SIL1: variants seen among roughly 807,000 people sequenced by gnomAD.
SIL1 encodes SIL1 nucleotide exchange factor.
Under a neutral mutation model 49.1 loss-of-function variants are expected in SIL1, and 40 were observed. The observed-to-expected ratio is 0.81, with a 90% CI of 0.63 to 1.06. The LOEUF is 1.06. Among genes scored for constraint, SIL1 ranks in the 50% least tolerant of loss-of-function variants. The probability of loss-of-function intolerance (pLI) is 0.00; values close to 1 mark genes in which losing one functional copy is unlikely to be tolerated. For synonymous variants in SIL1, 253 were observed against 250.8 expected (o/e 1.01, Z -0.08); for missense variants, 500 against 572.6 (o/e 0.87, Z 1.29).
chr5:139,011,112 G>C (rs1405954005), intron 7 of SIL1, among the ~76,000 whole-genome samples: 1 of 151,264 alleles, frequency 6.6e-6, no homozygotes, highest in Non-Finnish European at 1.5e-5. Context: ...AGCAATCAGC[G>C]AGATTCCGTG....
intron 1 of SIL1, among the ~76,000 whole-genome samples, chr5:139,186,104 T>G (rs1752073246): frequency 6.6e-6 from 1 of 152,124 alleles, no homozygotes; most frequent in Non-Finnish European, 1.5e-5. Flanking sequence ...CAGGAACAAC[T>G]ATCAAACCTG....
At chr5:139,126,161 A>G (rs1196520453) in intron 2 of SIL1, among the ~76,000 whole-genome samples, 1 of 152,240 alleles carries the variant, frequency 6.6e-6, no homozygotes, top group African/African-American at 2.4e-5. Context: ...AAGATGCTTC[A>G]ACTCCTACTT....
At chr5:139,082,989 A>T (rs1003437954) in intron 3 of SIL1, among the ~76,000 whole-genome samples, 1 of 152,254 alleles carries the variant, frequency 6.6e-6, no homozygotes, top group Non-Finnish European at 1.5e-5. Flanking sequence ...GCACTGAAGC[A>T]GCAGTCTTTG....
chr5:139,084,111 G>A (rs1030915188), intron 3 of SIL1, among the ~76,000 whole-genome samples: 2 of 151,158 alleles, frequency 1.3e-5, no homozygotes, highest in Non-Finnish European at 2.9e-5. Context: ...AAGTCAGGTA[G>A]TGTGATGCCT....
intron 2 of SIL1, 81 bp downstream of exon 2, chr5:139,127,658 C>T: frequency 8.8e-7 from 1 of 1,139,530 alleles, no homozygotes; most frequent in Non-Finnish European, 1.3e-6. Context: ...CCACACCCTA[C>T]TCCCACAACA....
chr5:139,022,859 T>G (rs1459002796), intron 6 of SIL1, among the ~76,000 whole-genome samples: 4 of 152,252 alleles, frequency 2.6e-5, no homozygotes, highest in Non-Finnish European at 5.9e-5. Context: ...CTTCCCTACA[T>G]GCTCTAATTT....
chr5:139,185,771 T>C (rs1752067844), intron 1 of SIL1, among the ~76,000 whole-genome samples: 1 of 152,172 alleles, frequency 6.6e-6, no homozygotes, highest in South Asian at 2.1e-4. Context: ...ATATCATTTG[T>C]GGCAACACTC....
intron 1 of SIL1, among the ~76,000 whole-genome samples, chr5:139,148,090 C>T (rs1400543665): frequency 1.3e-5 from 2 of 149,712 alleles, no homozygotes; most frequent in African/African-American, 2.5e-5. Flanking sequence ...AACCAGACTA[C>T]AATTTATTTT....
At chr5:139,181,520 T>C (rs1305847500) in intron 1 of SIL1, among the ~76,000 whole-genome samples, 1 of 152,202 alleles carries the variant, frequency 6.6e-6, no homozygotes, top group Non-Finnish European at 1.5e-5. Context: ...ATTCCTCCAC[T>C]GGGAGTTCTC....
At chr5:139,108,386 T>A (rs1382692856) in intron 3 of SIL1, among the ~76,000 whole-genome samples, 1 of 152,188 alleles carries the variant, frequency 6.6e-6, no homozygotes, top group African/African-American at 2.4e-5. Context: ...AAAAAGCTCC[T>A]GGGATTGCTT....
intron 1 of SIL1, among the ~76,000 whole-genome samples, chr5:139,160,666 C>G (rs1751494508): frequency 6.6e-6 from 1 of 151,986 alleles, no homozygotes; most frequent in African/African-American, 2.4e-5. Flanking sequence ...GAAAACCCGT[C>G]TCAAAATGCA....
At chr5:138,972,328 C>A (rs1391356687) in intron 7 of SIL1, among the ~76,000 whole-genome samples, 1 of 152,204 alleles carries the variant, frequency 6.6e-6, no homozygotes. Context: ...GCTCAGCTCC[C>A]ATGTGGAGTA....
At chr5:139,116,104 C>T (rs964825231) in intron 3 of SIL1, among the ~76,000 whole-genome samples, 2 of 152,200 alleles carry the variant, frequency 1.3e-5, no homozygotes, top group African/African-American at 4.8e-5. Context: ...TCAGGTGCTC[C>T]TTCAGACAGA....
chr5:139,056,514 C>T (rs71587288), intron 3 of SIL1, among the ~76,000 whole-genome samples: 58,375 of 144,376 alleles, frequency 0.4, 12,361 homozygotes, highest in African/African-American at 0.56. Flanking sequence ...GTCAGCCCCC[C>T]GCCAGGCCAG....
At chr5:139,064,904 T>A (rs543823690) in intron 3 of SIL1, among the ~76,000 whole-genome samples, 2 of 152,310 alleles carry the variant, frequency 1.3e-5, no homozygotes, top group East Asian at 3.9e-4. Flanking sequence ...TAAGAGATCA[T>A]GCATAGGAGA....
At chr5:139,057,753 T>G (rs1480583922) in intron 3 of SIL1, among the ~76,000 whole-genome samples, 3 of 152,218 alleles carry the variant, frequency 2.0e-5, no homozygotes, top group African/African-American at 7.2e-5. Context: ...TAACTTAGAC[T>G]GGGTAATTTA....
intron 3 of SIL1, among the ~76,000 whole-genome samples, chr5:139,118,791 A>T (rs1475881146): frequency 6.6e-6 from 1 of 152,214 alleles, no homozygotes; most frequent in African/African-American, 2.4e-5. Context: ...GTTTCCTAAC[A>T]GTATACATAG....
intron 1 of SIL1, among the ~76,000 whole-genome samples, chr5:139,153,220 C>T (rs1449930443): frequency 6.6e-6 from 1 of 152,114 alleles, no homozygotes; most frequent in Non-Finnish European, 1.5e-5. Context: ...ATGCCATTTC[C>T]CCTCCTCTTT....
At chr5:139,103,470 T>C (rs1392965637) in intron 3 of SIL1, among the ~76,000 whole-genome samples, 1 of 152,220 alleles carries the variant, frequency 6.6e-6, no homozygotes, top group Non-Finnish European at 1.5e-5. Context: ...AGGCGATACC[T>C]TGGAGAGAGA....
Sources: allele counts gnomAD v4.1 joint callset (sites outside exome capture counted in the v4.1 genomes callset), GRCh38; gene constraint gnomAD v4.1.1; transcripts MANE v1.5; gene names NCBI Gene and HGNC (gene_info 2026-07-23, HGNC 2026-07-21).